CHTF18: variants seen among roughly 807,000 people sequenced by gnomAD.
CHTF18 encodes the protein chromosome transmission fidelity protein 18 homolog.
CHTF18 carries 151 observed loss-of-function variants against 113.4 expected under a neutral mutation model. That is an observed-to-expected ratio of 1.33 (90% CI 1.17 to 1.52). CHTF18 has a LOEUF of 1.52. Ranked by LOEUF, CHTF18 falls within the 40% of genes most tolerant of loss-of-function variation. The probability of loss-of-function intolerance (pLI) is 0.00; values close to 1 mark genes in which losing one functional copy is unlikely to be tolerated. For missense variants in CHTF18, 1,982 were observed against 1,381.6 expected, an observed-to-expected ratio of 1.43 and a Z score of -6.89; for synonymous variants, 916 against 598.8, an observed-to-expected ratio of 1.53 and a Z score of -7.74.
chr16:795,924 G>A (rs372968933), intron 17 of CHTF18, 23 bp from the exon 18 acceptor site: 4 of 1,602,758 alleles, frequency 2.5e-6, no homozygotes, highest in Admixed American at 1.7e-5. Flanking sequence ...TCAGCTCCCT[G>A]TCTGCTGCCT....
Position 792,184 on chromosome 16 carries a change from A to G in CHTF18, c.1203-40A>G, listed in dbSNP as rs745665931. On this transcript the variant is annotated intron_variant, in intron 9 of 21. Coordinates refer to ENST00000262315, the MANE Select transcript of CHTF18 (RefSeq NM_022092.3). ...GCCTTGGGAGGCTGCCCTGCCAGGGACGCCCACTGCCCTGACGACCCCTGA... is the reference window on the plus strand; with the variant it reads ...GCCTTGGGAGGCTGCCCTGCCAGGGGCGCCCACTGCCCTGACGACCCCTGA... The G allele has an allele frequency of 1.3e-5, 20 of 1,546,302 alleles. No individual in the cohort carries two copies. In the South Asian group the frequency reaches 2.0e-4, roughly 16 times the overall value.
In CHTF18 at chr16:798,034, C is replaced by G. The variant is rs184724772; in HGVS notation, c.*59C>G. ...TCCCGCAGAGTGCAGAGACAGGAAG[C>G]TGGAGATGTCTTTATAAAGTCACAC... is the stretch of plus-strand genomic sequence containing the variant. On this transcript the variant is annotated 3_prime_UTR_variant, in exon 22 of 22. Coordinates refer to ENST00000262315, the MANE Select transcript of CHTF18 (RefSeq NM_022092.3). 6.4e-6 allele frequency: 10 copies of G among 1,557,126 alleles called. No individual in the cohort carries two copies. The highest frequency in any genetic ancestry group is 8.7e-6 in the Non-Finnish European group (10 of 1,150,416).
rs756370098 is a variant in CHTF18, at chr16:790,676, T to C, written c.894+10T>C. On this transcript the variant is annotated intron_variant, in intron 7 of 21. Coordinates refer to ENST00000262315, the MANE Select transcript of CHTF18 (RefSeq NM_022092.3). ...GCTGCTCAGTGATGACGTGAGGTCT[T>C]GTTCTCACTCAAGTGTGGCTGGCTT... 3.9e-6 allele frequency: 6 copies of C among 1,532,518 alleles called. No individual in the cohort carries two copies. Among genetic ancestry groups the C allele is most frequent in the Non-Finnish European group, 1.7e-6 (2 of 1,148,382 alleles). 94.9% of individuals were successfully genotyped at this position (1,532,518 alleles called of 1,614,324 possible).
Position 793,423 on chromosome 16 carries a change from A to G in CHTF18, c.1802+149A>G, listed in dbSNP as rs2042255918. On this transcript the variant is annotated intron_variant, in intron 14 of 21. Coordinates refer to ENST00000262315, the MANE Select transcript of CHTF18 (RefSeq NM_022092.3). ...TGGTCCAGCCTCCAGGGCCCTCCTC[A>G]GCCTTTTCCTGGCTTGTTCTCGCCC... The G allele has an allele frequency of 5.6e-6, 6 of 1,070,152 alleles. No individual in the cohort carries two copies. The South Asian group carries it at 7.9e-5, about 14-fold the overall frequency. The allele number at this position is 1,070,152 out of a possible 1,614,324, so 66.3% of individuals were successfully genotyped here.
chr16:794,632 G>T (rs2042288581), intron 15 of CHTF18: 1 of 232,324 alleles, frequency 4.3e-6, no homozygotes, highest in Non-Finnish European at 8.5e-6. Context: ...GACTCTAAGC[G>T]GCTTTGGATT....
At position 796,939 on chromosome 16, in the gene CHTF18, TCA is replaced by T; in HGVS notation, c.2602-19_2602-18del. ...CACTGTATCCCTGTGTGGCCAGATC[TCA>T]CAATGCCTGCTCCCTACAGGTGGAT... On this transcript the variant is annotated intron_variant, in intron 19 of 21. Coordinates refer to ENST00000262315, the MANE Select transcript of CHTF18 (RefSeq NM_022092.3). 1 of 1,528,120 alleles carries T rather than the reference TCA, an allele frequency of 6.5e-7. No individual in the cohort carries two copies. Among genetic ancestry groups the T allele is most frequent in the Non-Finnish European group, 8.8e-7 (1 of 1,133,780 alleles). The allele number at this position is 1,528,120 out of a possible 1,614,324, so 94.7% of individuals were successfully genotyped here. A position where few individuals can be genotyped will look rare whatever the true frequency, so the allele number is the denominator to read the frequency against.
chr16:790,821 A>C (rs1278015985), intron 7 of CHTF18, 155 bp downstream of exon 7: 1 of 1,433,956 alleles, frequency 7.0e-7, no homozygotes, highest in Non-Finnish European at 9.1e-7. Context: ...TGAACTGAGC[A>C]CAGGGCTGTG....
At chr16:790,976 C>T (rs1331926280) in intron 7 of CHTF18, 185 bp from the exon 8 acceptor site, 3 of 1,447,054 alleles carry the variant, frequency 2.1e-6, no homozygotes, top group Non-Finnish European at 2.7e-6. Flanking sequence ...TGGGTTGTGG[C>T]CAGAGCCGTG....
At position 795,362 on chromosome 16, in the gene CHTF18, C is replaced by T; in HGVS notation, c.2175+6C>T. 1.9e-6 allele frequency: 3 copies of T among 1,545,744 alleles called. No individual in the cohort carries two copies. The highest frequency in any genetic ancestry group is 2.4e-5 in the South Asian group (2 of 83,866). On this transcript the variant is annotated splice_donor_region_variant and intron_variant, in intron 16 of 21. Coordinates refer to ENST00000262315, the MANE Select transcript of CHTF18 (RefSeq NM_022092.3). Reference sequence around the variant, plus strand: ...TCCCCAGCAGCCAGCAGGAGGTGTGCTCGTCCCTGCACCACGCCTGCCCCC... The same window carrying T: ...TCCCCAGCAGCCAGCAGGAGGTGTGTTCGTCCCTGCACCACGCCTGCCCCC...
intron 4 of CHTF18, 116 bp from the exon 5 acceptor site, chr16:790,061 C>T (rs779895588): frequency 3.3e-6 from 5 of 1,536,844 alleles, no homozygotes; most frequent in Admixed American, 2.0e-5. Flanking sequence ...TCTCCCACCC[C>T]TCACTGGCCA....
intron 20 of CHTF18, among the ~76,000 whole-genome samples, chr16:797,426 C>T (rs1407664506): frequency 1.3e-5 from 2 of 152,130 alleles, no homozygotes; most frequent in Non-Finnish European, 2.9e-5. Flanking sequence ...GGACCAGCTC[C>T]TTACCCTCAG....
intron 7 of CHTF18, 91 bp from the exon 8 acceptor site, chr16:791,070 C>T (rs2042182432): frequency 1.3e-6 from 2 of 1,514,158 alleles, no homozygotes; most frequent in Non-Finnish European, 1.8e-6. Flanking sequence ...CTTGGCATCC[C>T]ATGGGGCATG....
In CHTF18 at chr16:797,871, C is replaced by CGGCG; in HGVS notation, c.2825_2828dup (p.Met944AlafsTer37). On this transcript the variant is annotated frameshift_variant, in exon 22 of 22. Coordinates refer to ENST00000262315, the MANE Select transcript of CHTF18 (RefSeq NM_022092.3). LOFTEE classifies it high-confidence loss of function. ...GGCCCCGGAGCAGGACTCAGTGGAG[C>CGGCG]GGCGCATGGGCACAGCGGTGGGCAG... is the stretch of plus-strand genomic sequence containing the variant. 6.2e-7 allele frequency: 1 copy of CGGCG among 1,608,714 alleles called. No individual in the cohort carries two copies. Among genetic ancestry groups the CGGCG allele is most frequent in the Non-Finnish European group, 8.5e-7 (1 of 1,178,174 alleles).
intron 15 of CHTF18, 54 bp downstream of exon 15, chr16:794,255 C>G (rs1045957531): frequency 6.3e-7 from 1 of 1,578,938 alleles, no homozygotes; most frequent in African/African-American, 1.3e-5. Context: ...AGGACCTGGG[C>G]TGTGCCCCTG....
chr16:789,349 T>C lies in CHTF18; in HGVS notation c.426T>C (p.Leu142=), dbSNP rs1328262137. The C allele has an allele frequency of 1.3e-6, 2 of 1,594,222 alleles. No individual in the cohort carries two copies. Among genetic ancestry groups the C allele is most frequent in the East Asian group, 4.5e-5 (2 of 44,622 alleles). ...CGAGCCCTGAGGACCTCGCAGAGCT[T>C]TGGGGCCACGGGTGTGTGGCTTGGA... The part of the protein sequence containing the change: ...PPPSPEDLAE[L]WGHGVSEAAA... The change falls in exon 3 of 22, where the codon CTT becomes CTC. Residue 142 remains leucine, a synonymous_variant. Transcript: ENST00000262315.
chr16:790,173 A>G lies in CHTF18; in HGVS notation c.607-4A>G, dbSNP rs755844362. 65 of 1,591,208 alleles carry G rather than the reference A, an allele frequency of 4.1e-5. 1 individual carries two copies. The Admixed American group carries it at 1.1e-3, about 27-fold the overall frequency. On this transcript the variant is annotated splice_polypyrimidine_tract_variant and splice_region_variant and intron_variant, in intron 4 of 21. Coordinates refer to ENST00000262315, the MANE Select transcript of CHTF18 (RefSeq NM_022092.3). ...CAGAGGCAATTGTCCTCCCTTCCCC[A>G]CAGGGCTCTCTCCTCCACGTCCCAT...
At position 795,747 on chromosome 16, in the gene CHTF18, A is replaced by G; in HGVS notation, c.2238A>G (p.Pro746=). The part of the protein sequence containing the change: ...LIQTLVSGIA[P]ATRSRATPQA... ...AGACGCTGGTGTCCGGCATCGCGCC[A>G]GCCACGCGCAGCCGGGCCACGCCCC... is the stretch of plus-strand genomic sequence containing the variant. The change falls in exon 17 of 22, where the codon CCA becomes CCG. Residue 746 remains proline, a synonymous_variant. Coordinates refer to ENST00000262315, the MANE Select transcript of CHTF18 (RefSeq NM_022092.3). 6.2e-7 allele frequency: 1 copy of G among 1,607,534 alleles called. No homozygotes were observed. Among genetic ancestry groups the G allele is most frequent in the South Asian group, 1.1e-5 (1 of 90,516 alleles).
chr16:795,298 A>C lies in CHTF18; in HGVS notation c.2117A>C (p.His706Pro). The C allele has an allele frequency of 6.5e-7, 1 of 1,548,002 alleles. No homozygotes were observed. The highest frequency in any genetic ancestry group is 1.2e-5 in the South Asian group (1 of 83,960). Reference sequence around the variant, plus strand: ...CCACCCTTCCTGCCCGTGGCCTTCCATGTGCTGTTTGCTTCCAGCCACACA... The same window carrying C: ...CCACCCTTCCTGCCCGTGGCCTTCCCTGTGCTGTTTGCTTCCAGCCACACA... ...RYPPFLPVAF[H>P]VLFASSHTPR... Residue 706 changes from histidine (H) to proline (P), a missense_variant, in exon 16 of 22, where the codon CAT becomes CCT. His to Pro is a moderately conservative substitution (Grantham distance 77). Transcript: ENST00000262315.
chr16:792,590 A>G lies in CHTF18; in HGVS notation c.1478A>G (p.Gln493Arg), dbSNP rs1437524309. The part of the protein sequence containing the change: ...MRPIICICND[Q>R]FAPSLRQLKQ... ...CCCATTATCTGCATTTGCAATGACC[A>G]GTGAGTGCATGGGCGGGCGCCACAG... Residue 493 changes from glutamine (Q) to arginine (R), a missense_variant and splice_region_variant, in exon 11 of 22, where the codon CAG (glutamine) becomes CGG (arginine). Gln to Arg is a conservative substitution (Grantham distance 43). Transcript: ENST00000262315. The G allele has an allele frequency of 6.3e-7, 1 of 1,595,658 alleles. No homozygotes were observed. Among genetic ancestry groups the G allele is most frequent in the Admixed American group, 1.8e-5 (1 of 55,350 alleles).
Sources: gnomAD v4.1 joint callset for allele counts (sites outside exome capture counted in the v4.1 genomes callset) on GRCh38, gnomAD v4.1.1 for gene constraint, MANE v1.5 for transcripts, NCBI Gene and HGNC (gene_info 2026-07-23, HGNC 2026-07-21) for gene names.